The following LIPC variants were observed in gnomAD, a reference collection of about 807,000 sequenced individuals.
LIPC encodes the protein lipase C, hepatic type, also known as hepatic triacylglycerol lipase.
LIPC carries 44 observed loss-of-function variants against 50.7 expected under a neutral mutation model. The ratio of observed to expected loss-of-function variants is 0.87; its 90% CI spans 0.68 to 1.11. LIPC has a LOEUF of 1.11. Among genes scored for constraint, LIPC ranks in the 50% most tolerant of loss-of-function variants. The pLI, the probability that LIPC is intolerant of heterozygous loss-of-function variation, is 0.00. For missense variants in LIPC, 697 were observed against 648.2 expected, an observed-to-expected ratio of 1.08 and a Z score of -0.82; for synonymous variants, 271 against 256.4, an observed-to-expected ratio of 1.06 and a Z score of -0.54.
chr15:58,560,910 A>G lies in LIPC; in HGVS notation c.1098A>G (p.Thr366=), dbSNP rs3829461. The change falls in exon 7 of 9, where the codon ACA becomes ACG. Residue 366 remains threonine, a synonymous_variant. Transcript: ENST00000299022. Reference sequence around the variant, plus strand: ...TCCAGTTCATCAACCAAACTGAGACACCAATACAAACAACTTTTACCATGT... The same window carrying G: ...TCCAGTTCATCAACCAAACTGAGACGCCAATACAAACAACTTTTACCATGT... ...FKIQFINQTE[T]PIQTTFTMSL... 1,492,075 of 1,530,340 alleles carry G rather than the reference A, an allele frequency of 0.97. 728,244 individuals are homozygous for G. The highest frequency in any genetic ancestry group is 0.99 in the Admixed American group (59,162 of 59,898). 94.8% of individuals were successfully genotyped at this position (1,530,340 alleles called of 1,614,324 possible). A position where few individuals can be genotyped will look rare whatever the true frequency, so the allele number is the denominator to read the frequency against.
chr15:58,558,100 C>T (rs571311753), intron 6 of LIPC, among the ~76,000 whole-genome samples: 61 of 151,528 alleles, frequency 4.0e-4, no homozygotes, highest in Non-Finnish European at 7.8e-4. Flanking sequence ...TTGAGACAGA[C>T]TCTTGCCCTG....
chr15:58,528,147 A>AG (rs1266204111), intron 1 of LIPC, among the ~76,000 whole-genome samples: 1 of 151,462 alleles, frequency 6.6e-6, no homozygotes, highest in African/African-American at 2.4e-5. Flanking sequence ...TCTCAAAAAA[A>AG]AAAAAAAAAG....
At chr15:58,536,219 G>C (rs1893115102) in intron 1 of LIPC, among the ~76,000 whole-genome samples, 1 of 152,208 alleles carries the variant, frequency 6.6e-6, no homozygotes, top group East Asian at 1.9e-4. Context: ...GAGCAGCAGA[G>C]ACAGAGCAGG....
chr15:58,479,235 CA>C (rs1891105557), intron 1 of LIPC, among the ~76,000 whole-genome samples: 1 of 152,216 alleles, frequency 6.6e-6, no homozygotes, highest in South Asian at 2.1e-4. Context: ...AAAAAATAAT[CA>C]GCCTGAAAAT....
chr15:58,451,241 T>C (rs1266756693), intron 1 of LIPC, among the ~76,000 whole-genome samples: 4 of 152,146 alleles, frequency 2.6e-5, no homozygotes, highest in African/African-American at 9.7e-5. Context: ...AAAGTCAACA[T>C]ATTTGGAGAT....
intron 1 of LIPC, among the ~76,000 whole-genome samples, chr15:58,453,823 G>A (rs999329352): frequency 8.6e-5 from 13 of 150,820 alleles, no homozygotes; most frequent in African/African-American, 1.2e-4. Flanking sequence ...CACAGAGAGC[G>A]AGGCTGCAGT....
At chr15:58,547,142 C>A (rs188665511) in intron 5 of LIPC, among the ~76,000 whole-genome samples, 1 of 152,280 alleles carries the variant, frequency 6.6e-6, no homozygotes, top group Non-Finnish European at 1.5e-5. Flanking sequence ...AGTGACGGAA[C>A]CAAATGTAGG....
At chr15:58,556,325 G>A (rs533629399) in intron 6 of LIPC, among the ~76,000 whole-genome samples, 1 of 152,306 alleles carries the variant, frequency 6.6e-6, no homozygotes, top group African/African-American at 2.4e-5. Context: ...GGCCTTTGGG[G>A]AGATAAGACA....
chr15:58,528,343 G>A (rs1423623173), intron 1 of LIPC, among the ~76,000 whole-genome samples: 2 of 151,996 alleles, frequency 1.3e-5, no homozygotes, highest in Non-Finnish European at 1.5e-5. Context: ...CTAAAAACAC[G>A]TCTCAGGGGC....
chr15:58,486,772 T>C (rs73422649), intron 1 of LIPC, among the ~76,000 whole-genome samples: 2,069 of 152,276 alleles, frequency 0.014, 46 homozygotes, highest in African/African-American at 0.048. Flanking sequence ...TTTGTTTCAT[T>C]TGCCAGTCAG....
At chr15:58,466,059 G>A (rs1894551698) in intron 1 of LIPC, among the ~76,000 whole-genome samples, 1 of 152,198 alleles carries the variant, frequency 6.6e-6, no homozygotes. Flanking sequence ...TCATCATTAT[G>A]CCTGTACTAA....
intron 1 of LIPC, among the ~76,000 whole-genome samples, chr15:58,481,374 A>T (rs558112012): frequency 6.6e-6 from 1 of 152,272 alleles, no homozygotes; most frequent in Admixed American, 6.5e-5. Flanking sequence ...CTACACATGT[A>T]TGAGAAAAGT....
chr15:58,478,703 T>A (rs1283933934), intron 1 of LIPC, among the ~76,000 whole-genome samples: 1 of 152,220 alleles, frequency 6.6e-6, no homozygotes, highest in African/African-American at 2.4e-5. Context: ...TCATACCACC[T>A]TTCCCAAGAG....
chr15:58,500,641 C>T (rs1891951735), intron 1 of LIPC, among the ~76,000 whole-genome samples: 1 of 152,142 alleles, frequency 6.6e-6, no homozygotes, highest in Non-Finnish European at 1.5e-5. Flanking sequence ...ACTAAGCTAC[C>T]ACTCCCTGAC....
At chr15:58,449,821 G>T (rs1184889644) in intron 1 of LIPC, among the ~76,000 whole-genome samples, 1 of 152,182 alleles carries the variant, frequency 6.6e-6, no homozygotes, top group Non-Finnish European at 1.5e-5. Context: ...ATTACAGACA[G>T]GTGTGAGCCA....
intron 1 of LIPC, among the ~76,000 whole-genome samples, chr15:58,466,215 G>A (rs1347614863): frequency 1.3e-5 from 2 of 152,212 alleles, no homozygotes; most frequent in East Asian, 1.9e-4. Context: ...GGGACGTGCT[G>A]AGGGACCATT....
intron 1 of LIPC, among the ~76,000 whole-genome samples, chr15:58,515,143 T>C (rs1379501799): frequency 6.6e-6 from 1 of 152,174 alleles, no homozygotes; most frequent in Non-Finnish European, 1.5e-5. Flanking sequence ...ATAAGAACCC[T>C]TGTGATTACA....
chr15:58,531,186 T>A (rs183229039), intron 1 of LIPC, among the ~76,000 whole-genome samples: 2 of 152,314 alleles, frequency 1.3e-5, no homozygotes, highest in African/African-American at 4.8e-5. Flanking sequence ...GAAGTGATAT[T>A]CCGTTGTGTT....
chr15:58,470,376 A>G (rs1413037038), intron 1 of LIPC, among the ~76,000 whole-genome samples: 2 of 152,180 alleles, frequency 1.3e-5, no homozygotes, highest in Non-Finnish European at 2.9e-5. Flanking sequence ...ATATAGTAAT[A>G]AGTCTAAGAA....
Sources: gnomAD v4.1 joint callset for allele counts (sites outside exome capture counted in the v4.1 genomes callset) on GRCh38, gnomAD v4.1.1 for gene constraint, MANE v1.5 for transcripts, NCBI Gene and HGNC (gene_info 2026-07-23, HGNC 2026-07-21) for gene names.